Variants in DZIP3 observed in about 807,000 individuals in gnomAD.
DZIP3 encodes DAZ interacting zinc finger protein 3, also known as E3 ubiquitin-protein ligase DZIP3.
Under a neutral mutation model 162.0 loss-of-function variants are expected in DZIP3, and 118 were observed. That is an observed-to-expected ratio of 0.73 (90% CI 0.63 to 0.85). The LOEUF is 0.85. Ranked by LOEUF, DZIP3 falls within the 40% of genes least tolerant of loss-of-function variation. The pLI, the probability that DZIP3 is intolerant of heterozygous loss-of-function variation, is 0.00. For missense variants in DZIP3, 1,331 were observed against 1,407.0 expected, an observed-to-expected ratio of 0.95 and a Z score of 0.86; for synonymous variants, 438 against 458.6, an observed-to-expected ratio of 0.96 and a Z score of 0.57.
intron 4 of DZIP3, 124 bp downstream of exon 4, chr3:108,611,453 T>C (rs376353256): frequency 7.2e-5 from 84 of 1,172,158 alleles, no homozygotes; most frequent in East Asian, 6.6e-4. Flanking sequence ...ATCTTACTTC[T>C]TGTAAAGGGC....
At chr3:108,597,792 T>C (rs1939787012) in intron 1 of DZIP3, among the ~76,000 whole-genome samples, 1 of 152,180 alleles carries the variant, frequency 6.6e-6, no homozygotes, top group South Asian at 2.1e-4. Context: ...ATTCTTTTTT[T>C]ATGTTATAAT....
rs1940695592 is a variant in DZIP3 at position 108,611,321 on chromosome 3, A to G, written c.250A>G (p.Thr84Ala). 3 of 1,612,196 alleles carry G rather than the reference A, an allele frequency of 1.9e-6. No individual in the cohort carries two copies. Among genetic ancestry groups the G allele is most frequent in the Admixed American group, 3.4e-5 (2 of 59,652 alleles). Residue 84 changes from threonine (T) to alanine (A), a missense_variant, in exon 4 of 33, where the codon ACT becomes GCT. Transcript: ENST00000361582. ...KFLQEDFSFQ[T>A]MQREVAANSQ... ...CTTACAAGAAGATTTTTCCTTCCAA[A>G]CTATGCAGGTAACGTCATAAGTTGT...
chr3:108,684,119 C>T (rs41270419), intron 26 of DZIP3, 97 bp from the exon 27 acceptor site: 59,583 of 1,360,522 alleles, frequency 0.044, 1,819 homozygotes, highest in African/African-American at 0.13. Flanking sequence ...GTGTTCCCCC[C>T]GCCATATTGC....
intron 2 of DZIP3, among the ~76,000 whole-genome samples, chr3:108,606,284 C>G (rs1047777443): frequency 6.6e-6 from 1 of 152,204 alleles, no homozygotes; most frequent in African/African-American, 2.4e-5. Context: ...CAGCCCACCT[C>G]TACCTCATAT....
chr3:108,603,453 G>A (rs1391227112), intron 1 of DZIP3, among the ~76,000 whole-genome samples: 2 of 152,086 alleles, frequency 1.3e-5, no homozygotes, highest in African/African-American at 2.4e-5. Flanking sequence ...TCTTTCATCA[G>A]TATTTGAACA....
intron 1 of DZIP3, among the ~76,000 whole-genome samples, chr3:108,593,481 A>G (rs1939536283): frequency 6.6e-6 from 1 of 152,096 alleles, no homozygotes; most frequent in Admixed American, 6.5e-5. Flanking sequence ...TTATTCTCAC[A>G]TCAAATTTGA....
At position 108,648,121 on chromosome 3, in the gene DZIP3, T is replaced by G; in HGVS notation, c.1962+9T>G. 6.3e-7 allele frequency: 1 copy of G among 1,585,988 alleles called. No homozygotes were observed. Among genetic ancestry groups the G allele is most frequent in the Non-Finnish European group, 8.5e-7 (1 of 1,170,868 alleles). Reference sequence around the variant, plus strand: ...TTAAAGATCTCCAGGAAGTATAAGCTCTCATTAATATTTGAGTTAGAAGAA... The same window carrying G: ...TTAAAGATCTCCAGGAAGTATAAGCGCTCATTAATATTTGAGTTAGAAGAA... On this transcript the variant is annotated intron_variant, in intron 16 of 32. Coordinates refer to ENST00000361582, the MANE Select transcript of DZIP3 (RefSeq NM_014648.4).
In DZIP3 at chr3:108,694,370, A is replaced by T. The variant is rs192215329; in HGVS notation, c.*1017A>T. 4.5e-5 allele frequency: 7 copies of T among 155,886 alleles called. No homozygotes were observed. The highest frequency in any genetic ancestry group is 9.9e-5 in the Non-Finnish European group (7 of 70,990). The allele number at this position is 155,886 out of a possible 1,614,324, so 9.7% of individuals were successfully genotyped here. ...TTAATCACCTTGTCTAGCACCTTGT[A>T]TTAGTCCATTTTCATGCTGCTGATA... On this transcript the variant is annotated 3_prime_UTR_variant, in exon 33 of 33. Coordinates refer to ENST00000361582, the MANE Select transcript of DZIP3 (RefSeq NM_014648.4).
At chr3:108,622,734 T>C (rs1239861233) in intron 5 of DZIP3, among the ~76,000 whole-genome samples, 1 of 152,110 alleles carries the variant, frequency 6.6e-6, no homozygotes, top group Non-Finnish European at 1.5e-5. Flanking sequence ...TGCAGATTCA[T>C]AGAGGTACCA....
At chr3:108,676,660 A>G (rs1944121773) in intron 25 of DZIP3, among the ~76,000 whole-genome samples, 2 of 150,756 alleles carry the variant, frequency 1.3e-5, no homozygotes, top group South Asian at 4.2e-4. Context: ...AAGCAACTGG[A>G]TATTTGTCCA....
At chr3:108,672,383 A>G (rs1943954477) in intron 22 of DZIP3, among the ~76,000 whole-genome samples, 177 bp from the exon 23 acceptor site, 1 of 151,974 alleles carries the variant, frequency 6.6e-6, no homozygotes, top group Non-Finnish European at 1.5e-5. Context: ...TACTCTTGAT[A>G]GTAAAGGATA....
Position 108,668,792 on chromosome 3 carries a change from C to G in DZIP3, c.2424-889C>G, listed in dbSNP as rs552098227. 1.5e-4 allele frequency among the ~76,000 whole-genome samples: 23 copies of G among 152,038 alleles called. 1 individual carries two copies. The highest frequency in any genetic ancestry group is 5.5e-4 in the African/African-American group (23 of 41,516). ...AAGGTGAATGGGTAGTCTCTGAAAT[C>G]TGGTAGTGAGCAATCCATCCAACAT... On this transcript the variant is annotated intron_variant, in intron 21 of 32. Coordinates refer to ENST00000361582, the MANE Select transcript of DZIP3 (RefSeq NM_014648.4).
intron 9 of DZIP3, among the ~76,000 whole-genome samples, chr3:108,634,523 T>C (rs1223490154): frequency 6.6e-6 from 1 of 152,034 alleles, no homozygotes; most frequent in African/African-American, 2.4e-5. Flanking sequence ...GAGCTGGGGA[T>C]GGAGGAAAAG....
At chr3:108,628,309 G>A (rs1421119552) in intron 7 of DZIP3, among the ~76,000 whole-genome samples, 1 of 152,084 alleles carries the variant, frequency 6.6e-6, no homozygotes, top group Non-Finnish European at 1.5e-5. Context: ...CAGTCAAGAG[G>A]GTTCATGGGG....
intron 26 of DZIP3, among the ~76,000 whole-genome samples, chr3:108,682,372 A>T (rs536073254): frequency 6.6e-6 from 1 of 151,040 alleles, no homozygotes; most frequent in East Asian, 1.9e-4. Flanking sequence ...TGTCATCTAC[A>T]TAAGTGTCCA....
Position 108,674,099 on chromosome 3 carries a change from A to G in DZIP3, c.2611A>G (p.Arg871Gly), listed in dbSNP as rs781500937. ...TAEVYFLQCR[R>G]DFGLLHLEQT... ...GTAGGTGTATTTCTTACAGTGTCGT[A>G]GGGATTTTGGTTTGCTTCATCTAGA... The change falls in exon 24 of 33, where the codon AGG becomes GGG. Residue 871 changes from arginine to glycine, a missense_variant. This residue lies in a region of DZIP3 where 1,278 missense variants were observed against 1,317.1 expected (regional missense o/e 0.97). Coordinates refer to ENST00000361582, the MANE Select transcript of DZIP3 (RefSeq NM_014648.4). 3 of 1,611,926 alleles carry G rather than the reference A, an allele frequency of 1.9e-6. No homozygotes were observed. In the South Asian group the frequency reaches 3.3e-5, roughly 18 times the overall value.
intron 19 of DZIP3, among the ~76,000 whole-genome samples, chr3:108,658,616 C>T (rs1459124599): frequency 6.6e-6 from 1 of 152,072 alleles, no homozygotes; most frequent in Non-Finnish European, 1.5e-5. Context: ...CAAAAGCTAG[C>T]AGAAGGCAAG....
chr3:108,671,729 A>G (rs1485519243), intron 22 of DZIP3, among the ~76,000 whole-genome samples: 1 of 147,210 alleles, frequency 6.8e-6, no homozygotes, highest in Non-Finnish European at 1.5e-5. Context: ...CTTATTAATC[A>G]TGATACTAGC....
At chr3:108,685,482 T>C (rs2107420701) in intron 27 of DZIP3, among the ~76,000 whole-genome samples, 1 of 152,252 alleles carries the variant, frequency 6.6e-6, no homozygotes, top group Non-Finnish European at 1.5e-5. Flanking sequence ...GAGCCTTACA[T>C]AAAAGGTGCA....
Sources: gnomAD v4.1 joint callset for allele counts (sites outside exome capture counted in the v4.1 genomes callset) on GRCh38, gnomAD v4.1.1 for gene constraint, gnomAD v4.1.1 regional missense constraint, MANE v1.5 for transcripts, NCBI Gene and HGNC (gene_info 2026-07-23, HGNC 2026-07-21) for gene names.